The following AVEN variants were observed in gnomAD, a reference collection of about 807,000 sequenced individuals.
AVEN encodes apoptosis and caspase activation inhibitor, also known as cell death regulator Aven.
AVEN carries 41 observed loss-of-function variants against 38.1 expected under a neutral mutation model. The ratio of observed to expected loss-of-function variants is 1.08; its 90% CI spans 0.84 to 1.40. The LOEUF is 1.40. Ranked by LOEUF, AVEN falls within the 40% of genes most tolerant of loss-of-function variation. The probability of loss-of-function intolerance (pLI) is 0.00; values close to 1 mark genes in which losing one functional copy is unlikely to be tolerated. For synonymous variants in AVEN, 206 were observed against 171.8 expected (o/e 1.20, Z -1.56); for missense variants, 605 against 438.8 (o/e 1.38, Z -3.38).
At chr15:34,008,483 CTT>C (rs200355232) in intron 1 of AVEN, among the ~76,000 whole-genome samples, 43 of 119,222 alleles carry the variant, frequency 3.6e-4, no homozygotes, top group African/African-American at 1.4e-3. Context: ...GATGAAAAAC[CTT>C]TTTTTTTTTT....
At chr15:34,029,860 T>C (rs1360737671) in intron 1 of AVEN, among the ~76,000 whole-genome samples, 2 of 152,230 alleles carry the variant, frequency 1.3e-5, no homozygotes, top group South Asian at 4.1e-4. Context: ...TATTTTATTA[T>C]CAGCCTTGTA....
At chr15:33,963,802 A>AAG (rs1479661003) in intron 2 of AVEN, among the ~76,000 whole-genome samples, 1 of 149,822 alleles carries the variant, frequency 6.7e-6, no homozygotes, top group East Asian at 1.9e-4. Flanking sequence ...GTCTCAAAAA[A>AAG]AAAAAAAAAA....
upstream of AVEN, chr15:34,039,207 AGCGGG>A (rs538246427): frequency 4.1e-3 from 2,314 of 565,422 alleles, 58 homozygotes; most frequent in African/African-American, 0.043. Context: ...GCCGCAGCGG[AGCGGG>A]GCGGGGCGGG....
chr15:33,951,663 C>A (rs889076613), intron 2 of AVEN, among the ~76,000 whole-genome samples: 2 of 151,974 alleles, frequency 1.3e-5, no homozygotes, highest in Non-Finnish European at 2.9e-5. Flanking sequence ...TTAGCCCACA[C>A]TCTTCCATTT....
intron 1 of AVEN, among the ~76,000 whole-genome samples, chr15:34,005,059 T>C (rs895168413): frequency 6.6e-6 from 1 of 152,064 alleles, no homozygotes; most frequent in Non-Finnish European, 1.5e-5. Flanking sequence ...AACTAAAATA[T>C]ATAAAAACCC....
At chr15:34,007,144 C>T in intron 1 of AVEN, 1 of 682,466 alleles carries the variant, frequency 1.5e-6, no homozygotes, top group African/African-American at 1.9e-5. Flanking sequence ...TACTGCCGAG[C>T]TATTATCTTG....
intron 2 of AVEN, among the ~76,000 whole-genome samples, chr15:33,967,173 G>A (rs1439925422): frequency 6.6e-6 from 1 of 152,060 alleles, no homozygotes; most frequent in Non-Finnish European, 1.5e-5. Flanking sequence ...TATTACAAAT[G>A]TGTGTCAAAG....
intron 1 of AVEN, among the ~76,000 whole-genome samples, chr15:34,008,809 C>A (rs943137380): frequency 4.6e-5 from 7 of 152,046 alleles, no homozygotes; most frequent in Non-Finnish European, 8.8e-5. Flanking sequence ...TTTATACATC[C>A]AAGAAGCTCA....
intron 2 of AVEN, among the ~76,000 whole-genome samples, chr15:33,920,033 C>T (rs1405993941): frequency 6.6e-6 from 1 of 152,132 alleles, no homozygotes; most frequent in African/African-American, 2.4e-5. Context: ...ACTAACTACT[C>T]ACGTGAACCT....
chr15:33,990,674 A>G (rs1896683968), intron 2 of AVEN: 2 of 152,244 alleles, frequency 1.3e-5, no homozygotes, highest in Non-Finnish European at 2.9e-5. Context: ...GGGACCGGAA[A>G]GATAACCACA....
intron 2 of AVEN, among the ~76,000 whole-genome samples, chr15:33,901,494 T>C (rs915927521): frequency 2.0e-5 from 3 of 152,244 alleles, no homozygotes; most frequent in Non-Finnish European, 2.9e-5. Context: ...CTTTACAAGA[T>C]GGCAATTTCA....
chr15:33,929,825 G>A (rs1893771834), intron 2 of AVEN, among the ~76,000 whole-genome samples: 1 of 152,162 alleles, frequency 6.6e-6, no homozygotes, highest in African/African-American at 2.4e-5. Flanking sequence ...AAGCAGATCA[G>A]CTTAATCTTC....
At chr15:33,873,218 GCCT>G (rs1421622498) in intron 3 of AVEN, among the ~76,000 whole-genome samples, 4 of 144,030 alleles carry the variant, frequency 2.8e-5, no homozygotes, top group Non-Finnish European at 6.0e-5. Context: ...TCCTGCCTCA[GCCT>G]CCCAAGCAGC....
At chr15:33,945,779 G>T (rs1894486437) in intron 2 of AVEN, among the ~76,000 whole-genome samples, 1 of 152,068 alleles carries the variant, frequency 6.6e-6, no homozygotes, top group South Asian at 2.1e-4. Context: ...TAGAGACGGG[G>T]TTTCGCTATG....
At chr15:33,975,351 G>A (rs1597295954) in intron 2 of AVEN, among the ~76,000 whole-genome samples, 1 of 152,154 alleles carries the variant, frequency 6.6e-6, no homozygotes, top group East Asian at 1.9e-4. Flanking sequence ...TAGAGCAAGA[G>A]GGCACAGGTT....
chr15:33,922,504 T>C (rs552813), intron 2 of AVEN, among the ~76,000 whole-genome samples: 106,821 of 151,986 alleles, frequency 0.7, 37,748 homozygotes, highest in East Asian at 0.81. Flanking sequence ...GGCATGATCA[T>C]GACTCACTGC....
intron 2 of AVEN, among the ~76,000 whole-genome samples, chr15:33,877,201 C>G (rs7171854): frequency 6.6e-6 from 1 of 151,976 alleles, no homozygotes; most frequent in African/African-American, 2.4e-5. Flanking sequence ...GTTTTTTCTT[C>G]TTTTTAAATT....
chr15:33,864,091 C>G (rs566316312), downstream of AVEN: 2 of 1,435,626 alleles, frequency 1.4e-6, no homozygotes, highest in African/African-American at 1.4e-5. Context: ...TGCGAATGAA[C>G]TTGGGTCTTG....
chr15:33,867,392 A>C (rs1890647381), intron 5 of AVEN, 103 bp downstream of exon 5: 2 of 1,447,570 alleles, frequency 1.4e-6, no homozygotes, highest in South Asian at 1.4e-5. Flanking sequence ...CACTGGATCA[A>C]TGTCAGACAC....
Sources: allele counts gnomAD v4.1 joint callset (sites outside exome capture counted in the v4.1 genomes callset), GRCh38; gene constraint gnomAD v4.1.1; transcripts MANE v1.5; gene names NCBI Gene and HGNC (gene_info 2026-07-23, HGNC 2026-07-21).